Variants in KCNIP4 observed in about 807,000 individuals in gnomAD.
KCNIP4 encodes Kv channel-interacting protein 4.
Under a neutral mutation model 34.0 loss-of-function variants are expected in KCNIP4, and 12 were observed. The ratio of observed to expected loss-of-function variants is 0.35; its 90% CI spans 0.23 to 0.57. The LOEUF is 0.57. KCNIP4 is among the 20% of genes least tolerant of loss of function. The pLI, the probability that KCNIP4 is intolerant of heterozygous loss-of-function variation, is 0.83. For missense variants in KCNIP4, 238 were observed against 311.7 expected, an observed-to-expected ratio of 0.76 and a Z score of 1.78; for synonymous variants, 124 against 102.2, an observed-to-expected ratio of 1.21 and a Z score of -1.29.
chr4:21,581,229 CAGG>C (rs970937941), intron 1 of KCNIP4, among the ~76,000 whole-genome samples: 83 of 151,832 alleles, frequency 5.5e-4, no homozygotes, highest in Non-Finnish European at 4.4e-4. Context: ...AACAAACAAG[CAGG>C]AGGTCTGTTA....
chr4:21,623,767 T>G (rs1309030870), intron 1 of KCNIP4, among the ~76,000 whole-genome samples: 3 of 152,046 alleles, frequency 2.0e-5, no homozygotes, highest in Non-Finnish European at 4.4e-5. Context: ...TTCTGCCACC[T>G]ACTACTCTCA....
intron 1 of KCNIP4, among the ~76,000 whole-genome samples, chr4:21,432,997 G>A (rs540899948): frequency 1.3e-5 from 2 of 152,138 alleles, no homozygotes; most frequent in Admixed American, 6.5e-5. Context: ...TCTCTAGATC[G>A]AAGGATCAGC....
intron 1 of KCNIP4, among the ~76,000 whole-genome samples, chr4:20,927,971 G>A (rs1730061972): frequency 6.6e-6 from 1 of 151,828 alleles, no homozygotes; most frequent in East Asian, 1.9e-4. Flanking sequence ...TATTTCTATG[G>A]GACTAATTTA....
chr4:21,461,456 T>C (rs928884359), intron 1 of KCNIP4, among the ~76,000 whole-genome samples: 3 of 151,852 alleles, frequency 2.0e-5, no homozygotes, highest in Non-Finnish European at 4.4e-5. Context: ...TTTCTAGTAA[T>C]TCATCTTTAT....
At chr4:21,765,092 A>C (rs1263524577) in intron 1 of KCNIP4, among the ~76,000 whole-genome samples, 2 of 151,828 alleles carry the variant, frequency 1.3e-5, no homozygotes. Context: ...AATAATAATA[A>C]TATTAGTACG....
rs375059648 is a variant in KCNIP4 at position 21,188,171 on chromosome 4, A to G, written c.62-305462T>C. Among the ~76,000 whole-genome samples the G allele has an allele frequency of 7.2e-5, 11 of 152,330 alleles. No homozygotes were observed. The South Asian group carries it at 2.1e-3, about 29-fold the overall frequency. ...TTTATCTTAGTCATGAGTTTTGATT[A>G]TTGACAACATTGCTCCAAAGAGTTT... On this transcript the variant is annotated intron_variant, in intron 1 of 8. Coordinates refer to ENST00000382152, the MANE Select transcript of KCNIP4 (RefSeq NM_025221.6).
chr4:21,158,339 G>A (rs1306584693), intron 1 of KCNIP4, among the ~76,000 whole-genome samples: 1 of 151,630 alleles, frequency 6.6e-6, no homozygotes, highest in African/African-American at 2.4e-5. Context: ...GCCAGGGAAA[G>A]GCGTTACAAA....
Position 21,384,853 on chromosome 4 carries a change from G to C in KCNIP4, c.62-502144C>G, listed in dbSNP as rs201964400. Among the ~76,000 whole-genome samples the C allele has an allele frequency of 3.3e-5, 5 of 152,160 alleles. No homozygotes were observed. The East Asian group carries it at 7.7e-4, about 23-fold the overall frequency. On this transcript the variant is annotated intron_variant, in intron 1 of 8. Transcript: ENST00000382152. ...AAATAGCTGAGCTCCCTGGGGAGAA[G>C]GCAGAAAGGGGAGATGAAATAAATT...
intron 1 of KCNIP4, among the ~76,000 whole-genome samples, chr4:21,218,660 T>A (rs2108994316): frequency 6.6e-6 from 1 of 152,258 alleles, no homozygotes; most frequent in Middle Eastern, 3.4e-3. Flanking sequence ...GCACAGACAC[T>A]GCAATTTCTC....
At chr4:21,834,755 G>C (rs1315007523) in intron 1 of KCNIP4, among the ~76,000 whole-genome samples, 2 of 151,590 alleles carry the variant, frequency 1.3e-5, no homozygotes, top group Non-Finnish European at 2.9e-5. Context: ...TTATTATTTT[G>C]AAATATGTCC....
intron 1 of KCNIP4, among the ~76,000 whole-genome samples, chr4:20,985,629 T>C (rs1429328349): frequency 1.3e-5 from 2 of 152,148 alleles, no homozygotes; most frequent in African/African-American, 4.8e-5. Context: ...GATCAAATGA[T>C]GAATAATACT....
intron 3 of KCNIP4, among the ~76,000 whole-genome samples, chr4:20,788,107 G>T (rs896040501): frequency 6.6e-6 from 1 of 151,994 alleles, no homozygotes; most frequent in Non-Finnish European, 1.5e-5. Context: ...ACTCTGCGGG[G>T]AAAGGAATTT....
intron 1 of KCNIP4, among the ~76,000 whole-genome samples, chr4:21,935,230 C>T (rs1373805013): frequency 1.3e-5 from 2 of 152,054 alleles, no homozygotes; most frequent in East Asian, 1.9e-4. Flanking sequence ...CTTAATGCCT[C>T]GACAACTTTG....
At chr4:21,428,993 A>G (rs1356138907) in intron 1 of KCNIP4, among the ~76,000 whole-genome samples, 3 of 152,158 alleles carry the variant, frequency 2.0e-5, no homozygotes, top group African/African-American at 7.2e-5. Context: ...TATCACCCAA[A>G]GTCCACAGTT....
intron 1 of KCNIP4, among the ~76,000 whole-genome samples, chr4:20,990,586 T>A (rs903222455): frequency 3.3e-5 from 5 of 152,246 alleles, no homozygotes; most frequent in Non-Finnish European, 5.9e-5. Context: ...GATCAAAGCA[T>A]GTATAGTATG....
At chr4:21,049,202 G>A (rs1742716679) in intron 1 of KCNIP4, among the ~76,000 whole-genome samples, 1 of 151,562 alleles carries the variant, frequency 6.6e-6, no homozygotes, top group Non-Finnish European at 1.5e-5. Flanking sequence ...CGCCCGCCTC[G>A]GCCTCCCAAA....
intron 2 of KCNIP4, among the ~76,000 whole-genome samples, chr4:20,879,360 C>T (rs1724427580): frequency 6.6e-6 from 1 of 152,128 alleles, no homozygotes; most frequent in Admixed American, 6.5e-5. Flanking sequence ...TTGGCTATGG[C>T]ATAGATCTGT....
intron 1 of KCNIP4, among the ~76,000 whole-genome samples, chr4:21,598,305 T>TA: frequency 6.6e-6 from 1 of 152,112 alleles, no homozygotes; most frequent in Admixed American, 6.6e-5. Context: ...AACTGAAGAA[T>TA]AGTTGAACTC....
intron 1 of KCNIP4, among the ~76,000 whole-genome samples, chr4:21,777,801 T>A (rs1415267994): frequency 6.6e-6 from 1 of 152,258 alleles, no homozygotes; most frequent in Non-Finnish European, 1.5e-5. Flanking sequence ...AGTTCTTTAC[T>A]TCTTGAATAA....
Sources: gnomAD v4.1 joint callset for allele counts (sites outside exome capture counted in the v4.1 genomes callset) on GRCh38, gnomAD v4.1.1 for gene constraint, MANE v1.5 for transcripts, NCBI Gene and HGNC (gene_info 2026-07-23, HGNC 2026-07-21) for gene names.